POLR1F: variants seen among roughly 807,000 people sequenced by gnomAD.
POLR1F encodes the protein DNA-directed RNA polymerase I subunit RPA43.
POLR1F carries 23 observed loss-of-function variants against 21.8 expected under a neutral mutation model. That is an observed-to-expected ratio of 1.05 (90% CI 0.76 to 1.49). The LOEUF (loss-of-function observed/expected upper bound fraction) is 1.49, where lower values mean the gene tolerates loss of function less well. Among genes scored for constraint, POLR1F ranks in the 40% most tolerant of loss-of-function variants. The pLI is 0.00. For missense variants in POLR1F, 435 were observed against 412.1 expected (o/e 1.06, Z -0.48); for synonymous variants, 162 against 152.8 (o/e 1.06, Z -0.45).
chr7:19,700,699 T>C lies in POLR1F; in HGVS notation c.397-419A>G, dbSNP rs947483914. 3.3e-5 allele frequency among the ~76,000 whole-genome samples: 5 copies of C among 152,196 alleles called. No individual in the cohort carries two copies. The South Asian group carries it at 1.0e-3, about 32-fold the overall frequency. On this transcript the variant is annotated intron_variant, in intron 2 of 3. Coordinates refer to ENST00000222567, the MANE Select transcript of POLR1F (RefSeq NM_001002926.2). The stretch of plus-strand genomic sequence containing the variant: ...CCATATAACTTCTAAAAAGACCTCA[T>C]ATGCGTTTTATAACTGGGATCCATG...
At chr7:19,707,871 G>A (rs968599724) in intron 1 of POLR1F, among the ~76,000 whole-genome samples, 2 of 152,140 alleles carry the variant, frequency 1.3e-5, no homozygotes, top group African/African-American at 4.8e-5. Context: ...ATGGGTGGAG[G>A]TCCAGGATCC....
At chr7:19,706,402 T>C (rs755514425) in intron 1 of POLR1F, among the ~76,000 whole-genome samples, 11 of 152,102 alleles carry the variant, frequency 7.2e-5, no homozygotes, top group Non-Finnish European at 1.5e-4. Flanking sequence ...CAAAGCCTTG[T>C]CTCTCAAGTA....
chr7:19,699,362 A>C (rs765251540), intron 3 of POLR1F, among the ~76,000 whole-genome samples: 1 of 152,156 alleles, frequency 6.6e-6, no homozygotes, highest in African/African-American at 2.4e-5. Flanking sequence ...ACTACCAAAA[A>C]CATAACTTTA....
chr7:19,701,231 C>A (rs1783442160), intron 2 of POLR1F, among the ~76,000 whole-genome samples: 1 of 152,068 alleles, frequency 6.6e-6, no homozygotes, highest in Admixed American at 6.5e-5. Flanking sequence ...AAGTTCTCAC[C>A]ATAAAAAGAC....
At position 19,698,287 on chromosome 7, in the gene POLR1F, T is replaced by A. The variant is rs1783399780; in HGVS notation, c.*29A>T. On this transcript the variant is annotated 3_prime_UTR_variant, in exon 4 of 4. Transcript: ENST00000222567. ...TCATCTATTGTATGTAGATCGATCT[T>A]TTAAAAACTGAATCGTGTTTAAAAT... 9.2e-6 allele frequency: 14 copies of A among 1,526,050 alleles called. No homozygotes were observed. The highest frequency in any genetic ancestry group is 1.1e-5 in the Non-Finnish European group (13 of 1,144,628). 94.5% of individuals were successfully genotyped at this position (1,526,050 alleles called of 1,614,324 possible).
chr7:19,707,619 C>T (rs1783548024), intron 1 of POLR1F, among the ~76,000 whole-genome samples: 1 of 152,172 alleles, frequency 6.6e-6, no homozygotes, highest in African/African-American at 2.4e-5. Flanking sequence ...TTAAAGTACC[C>T]TCTTCAATCA....
rs772191730 is a variant in POLR1F at position 19,704,759 on chromosome 7, G to C, written c.396+20C>G. ...TTATAGAATTATACAAAGGGAGCTA[G>C]AAAAAAGTGATACACATACCATAAG... On this transcript the variant is annotated intron_variant, in intron 2 of 3. Transcript: ENST00000222567. 1.3e-6 allele frequency: 2 copies of C among 1,572,464 alleles called. No individual in the cohort carries two copies. Among genetic ancestry groups the C allele is most frequent in the African/African-American group, 1.4e-5 (1 of 72,218 alleles).
In POLR1F at chr7:19,698,569, G is replaced by T; in HGVS notation, c.764C>A (p.Pro255Gln). The change falls in exon 4 of 4, where the codon CCA becomes CAA. Residue 255 changes from proline to glutamine, a missense_variant. By Grantham distance (76) the Pro-to-Gln change is moderately conservative. Transcript: ENST00000222567. ...TKLADDADDT[P>Q]MEESALQNTN... ...ATTCTGCAGGGCTGACTCTTCCATT[G>T]GAGTGTCATCTGCATCATCTGCTAG... is the stretch of plus-strand genomic sequence containing the variant. 1 of 1,613,084 alleles carries T rather than the reference G, an allele frequency of 6.2e-7. No individual in the cohort carries two copies. The highest frequency in any genetic ancestry group is 8.5e-7 in the Non-Finnish European group (1 of 1,179,694).
chr7:19,701,713 T>C (rs1338338857), intron 2 of POLR1F, among the ~76,000 whole-genome samples: 2 of 106 alleles, frequency 0.019, no homozygotes, highest in Admixed American at 0.2. Context: ...TTAAGTCAGA[T>C]GGCCTCTGGG....
At position 19,708,852 on chromosome 7, in the gene POLR1F, C is replaced by A; in HGVS notation, c.165G>T (p.Arg55Ser). Reference protein sequence around the residue: ...YSCLVAGPHQRHIALSPRYLN... With the variant: ...YSCLVAGPHQSHIALSPRYLN... ...GGTAGCGGGGCGACAGCGCGATGTG[C>A]CTTTGGTGCGGCCCGGCCACCAGGC... Residue 55 changes from arginine to serine, a missense_variant, in exon 1 of 4, where the codon AGG becomes AGT. Transcript: ENST00000222567. 6.2e-7 allele frequency: 1 copy of A among 1,614,208 alleles called. No homozygotes were observed. Among genetic ancestry groups the A allele is most frequent in the Non-Finnish European group, 8.5e-7 (1 of 1,180,024 alleles).
In POLR1F at chr7:19,698,149, TAC is replaced by T. The variant is rs1583400161; in HGVS notation, c.*165_*166del. ...AATACTGGCTTTCCCCAAATTAATT[TAC>T]AGTCAGTTTTATCATTTTTAGCATA... On this transcript the variant is annotated 3_prime_UTR_variant, in exon 4 of 4. Coordinates refer to ENST00000222567, the MANE Select transcript of POLR1F (RefSeq NM_001002926.2). 1.9e-6 allele frequency: 1 copy of T among 519,722 alleles called. No homozygotes were observed. The highest frequency in any genetic ancestry group is 7.0e-5 in the South Asian group (1 of 14,258). The allele number at this position is 519,722 out of a possible 1,614,324, so 32.2% of individuals were successfully genotyped here. A position where few individuals can be genotyped will look rare whatever the true frequency, so the allele number is the denominator to read the frequency against.
Position 19,698,428 on chromosome 7 carries a change from T to C in POLR1F, c.905A>G (p.Tyr302Cys), listed in dbSNP as rs991514986. ...PVFQGSDSSG[Y>C]QSDHKKKKKK... ...TTTTTTCTTTTTATGGTCACTTTGG[T>C]AACCACTGGAGTCACTGCCTTGGAA... Residue 302 changes from tyrosine (Y) to cysteine (C), a missense_variant, in exon 4 of 4, where the codon TAC becomes TGC. Tyr to Cys is a radical substitution (Grantham distance 194). Transcript: ENST00000222567. 34 of 1,610,178 alleles carry C rather than the reference T, an allele frequency of 2.1e-5. No homozygotes were observed. The highest frequency in any genetic ancestry group is 2.9e-5 in the Non-Finnish European group (34 of 1,178,718).
intron 2 of POLR1F, among the ~76,000 whole-genome samples, chr7:19,701,304 C>T (rs1267628035): frequency 6.6e-6 from 1 of 152,182 alleles, no homozygotes; most frequent in African/African-American, 2.4e-5. Context: ...GATACATACT[C>T]TATTCTTCTT....
At chr7:19,705,198 A>G (rs189171160) in intron 1 of POLR1F, among the ~76,000 whole-genome samples, 1 of 152,312 alleles carries the variant, frequency 6.6e-6, no homozygotes, top group African/African-American at 2.4e-5. Context: ...TACACCACCT[A>G]TGTCAAAAAC....
rs1180372043 is a variant in POLR1F at position 19,695,554 on chromosome 7, TAGTTA to T, written c.*2757_*2761del. The T allele has an allele frequency of 2.0e-5, 3 of 152,140 alleles. No individual in the cohort carries two copies. The highest frequency in any genetic ancestry group is 7.2e-5 in the African/African-American group (3 of 41,448). 9.4% of individuals were successfully genotyped at this position (152,140 alleles called of 1,614,324 possible). On this transcript the variant is annotated 3_prime_UTR_variant, in exon 4 of 4. Coordinates refer to ENST00000222567, the MANE Select transcript of POLR1F (RefSeq NM_001002926.2). ...GATTCACTGTTAAATACTATAGATA[TAGTTA>T]AGGCATAATTCCAGCCCTCAGGAAA...
intron 3 of POLR1F, among the ~76,000 whole-genome samples, chr7:19,699,115 C>T (rs982104901): frequency 6.6e-6 from 1 of 152,070 alleles, no homozygotes; most frequent in African/African-American, 2.4e-5. Context: ...TTAACCAAAC[C>T]ACTGACATCT....
At chr7:19,703,804 C>T (rs1309213891) in intron 2 of POLR1F, among the ~76,000 whole-genome samples, 3 of 152,078 alleles carry the variant, frequency 2.0e-5, no homozygotes, top group South Asian at 2.1e-4. Context: ...ATGTTGCCCA[C>T]GTTGGTCTTA....
chr7:19,708,942 G>A lies in POLR1F; in HGVS notation c.75C>T (p.Val25=). Residue 25 remains valine (V), a synonymous_variant, in exon 1 of 4, where the codon GTC becomes GTT. Transcript: ENST00000222567. ...AAGTCGGCAACTCTAGGCAAGGCAG[G>A]ACGCCAGCCTGCCCTACCAGAGACC... is the stretch of plus-strand genomic sequence containing the variant. ...SDGSLVGQAG[V]LPCLELPTYA... is the part of the protein sequence containing the mutation. 6.2e-7 allele frequency: 1 copy of A among 1,613,006 alleles called. No homozygotes were observed. Among genetic ancestry groups the A allele is most frequent in the Non-Finnish European group, 8.5e-7 (1 of 1,179,766 alleles).
At chr7:19,706,632 T>C (rs929680740) in intron 1 of POLR1F, among the ~76,000 whole-genome samples, 1 of 152,236 alleles carries the variant, frequency 6.6e-6, no homozygotes, top group Non-Finnish European at 1.5e-5. Context: ...AGGCACCTAA[T>C]TTAACTCTTA....
Sources: gnomAD v4.1 joint callset for allele counts (sites outside exome capture counted in the v4.1 genomes callset) on GRCh38, gnomAD v4.1.1 for gene constraint, MANE v1.5 for transcripts, NCBI Gene and HGNC (gene_info 2026-07-23, HGNC 2026-07-21) for gene names.